Variants in GNB5 observed in about 807,000 individuals in gnomAD.
The protein encoded by GNB5 is guanine nucleotide-binding protein subunit beta-5.
GNB5 carries 37 observed loss-of-function variants against 55.3 expected under a neutral mutation model. The ratio of observed to expected loss-of-function variants is 0.67; its 90% CI spans 0.51 to 0.88. The LOEUF is 0.88. GNB5 is among the 40% of genes least tolerant of loss of function. The pLI is 0.00. For missense variants in GNB5, 476 were observed against 515.3 expected (o/e 0.92, Z 0.74); for synonymous variants, 219 against 198.5 (o/e 1.10, Z -0.87).
In GNB5 at chr15:52,122,202, G is replaced by T. The variant is rs1031996779; in HGVS notation, c.*555C>A. 6.6e-6 allele frequency: 1 copy of T among 152,294 alleles called. No homozygotes were observed. Among genetic ancestry groups the T allele is most frequent in the African/African-American group, 2.4e-5 (1 of 41,522 alleles). 9.4% of individuals were successfully genotyped at this position (152,294 alleles called of 1,614,324 possible). On this transcript the variant is annotated 3_prime_UTR_variant, in exon 13 of 13. Transcript: ENST00000261837. Reference sequence around the variant, plus strand: ...GTATCTGAAAAAAGACAATAGAACAGGAAGCTGAAAAAGATACTTTTACAA... The same window carrying T: ...GTATCTGAAAAAAGACAATAGAACATGAAGCTGAAAAAGATACTTTTACAA...
At chr15:52,134,885 T>G (rs1411972384) in intron 8 of GNB5, among the ~76,000 whole-genome samples, 2 of 151,958 alleles carry the variant, frequency 1.3e-5, no homozygotes, top group Admixed American at 1.3e-4. Flanking sequence ...CCCCTCCCAT[T>G]TGCATACACA....
chr15:52,145,208 T>TA (rs2033945185), intron 6 of GNB5, among the ~76,000 whole-genome samples: 1 of 151,884 alleles, frequency 6.6e-6, no homozygotes, highest in African/African-American at 2.4e-5. Context: ...GTAGTACAAA[T>TA]ATATATATAT....
At chr15:52,141,087 C>A in intron 7 of GNB5, 53 bp downstream of exon 7, 4 of 1,567,796 alleles carry the variant, frequency 2.6e-6, no homozygotes, top group Non-Finnish European at 3.5e-6. Context: ...CCTCTCAGCT[C>A]CTCTTTAGTG....
intron 3 of GNB5, among the ~76,000 whole-genome samples, chr15:52,156,631 C>T (rs999706955): frequency 6.6e-6 from 1 of 152,004 alleles, no homozygotes; most frequent in Non-Finnish European, 1.5e-5. Flanking sequence ...CTTGGGAGGC[C>T]GAGGTGGGAG....
chr15:52,160,761 G>C (rs1010928402), intron 3 of GNB5, among the ~76,000 whole-genome samples: 33 of 152,068 alleles, frequency 2.2e-4, no homozygotes, highest in Non-Finnish European at 7.4e-5. Context: ...CATAAAATTT[G>C]GGGGACTACA....
chr15:52,191,025 C>G (rs977025298), intron 1 of GNB5, among the ~76,000 whole-genome samples: 28 of 152,236 alleles, frequency 1.8e-4, no homozygotes, highest in African/African-American at 6.7e-4. Context: ...TCACCTGGAT[C>G]AAATTTTAAA....
At chr15:52,164,580 A>G (rs1473410305) in intron 3 of GNB5, among the ~76,000 whole-genome samples, 1 of 152,134 alleles carries the variant, frequency 6.6e-6, no homozygotes, top group Non-Finnish European at 1.5e-5. Flanking sequence ...GTGAGCCGAG[A>G]GCACGACACT....
At chr15:52,177,372 G>A (rs1331498560) in intron 3 of GNB5, among the ~76,000 whole-genome samples, 1 of 151,336 alleles carries the variant, frequency 6.6e-6, no homozygotes, top group Non-Finnish European at 1.5e-5. Context: ...ATAAAGAAAA[G>A]AATGGCTGAG....
At chr15:52,136,484 G>A (rs2033726877) in intron 7 of GNB5, among the ~76,000 whole-genome samples, 1 of 152,150 alleles carries the variant, frequency 6.6e-6, no homozygotes, top group Non-Finnish European at 1.5e-5. Flanking sequence ...AATAGAGTCT[G>A]GGGTGGGGCC....
intron 7 of GNB5, chr15:52,139,937 A>T (rs750644942): frequency 6.1e-5 from 78 of 1,285,786 alleles, no homozygotes; most frequent in Non-Finnish European, 7.9e-5. Flanking sequence ...GCCTTCATCC[A>T]GCCTAAATGT....
intron 10 of GNB5, among the ~76,000 whole-genome samples, chr15:52,127,782 G>A (rs528607857): frequency 3.3e-5 from 5 of 150,584 alleles, no homozygotes; most frequent in Non-Finnish European, 7.4e-5. Flanking sequence ...ATGATGAGAG[G>A]TACAAAAACA....
At chr15:52,166,482 G>C (rs996229280) in intron 3 of GNB5, among the ~76,000 whole-genome samples, 1 of 152,022 alleles carries the variant, frequency 6.6e-6, no homozygotes, top group East Asian at 1.9e-4. Flanking sequence ...AATCATAACA[G>C]TCTCTCAGAC....
At chr15:52,149,821 G>C (rs1239418483) in intron 5 of GNB5, 63 bp downstream of exon 5, 5 of 1,229,452 alleles carry the variant, frequency 4.1e-6, no homozygotes, top group East Asian at 2.3e-5. Context: ...AGCTGGACCA[G>C]AGCACCTTTA....
At chr15:52,175,348 C>T (rs1205659548) in intron 3 of GNB5, among the ~76,000 whole-genome samples, 2 of 152,196 alleles carry the variant, frequency 1.3e-5, no homozygotes, top group East Asian at 1.9e-4. Context: ...AGGAAACCAT[C>T]CTTGGATTCC....
At chr15:52,174,278 T>C (rs867806951) in intron 3 of GNB5, among the ~76,000 whole-genome samples, 3 of 152,224 alleles carry the variant, frequency 2.0e-5, no homozygotes, top group Non-Finnish European at 4.4e-5. Context: ...CAAATGTATG[T>C]TATTGCAAGC....
intron 9 of GNB5, chr15:52,128,882 G>T (rs573379395): frequency 2.6e-6 from 1 of 390,728 alleles, no homozygotes; most frequent in East Asian, 7.3e-5. Flanking sequence ...GAGGCAGAAT[G>T]AGAGCAAATG....
intron 4 of GNB5, among the ~76,000 whole-genome samples, chr15:52,153,542 C>G (rs1596081354): frequency 6.6e-6 from 1 of 152,136 alleles, no homozygotes; most frequent in Admixed American, 6.5e-5. Context: ...TTGTATTTTA[C>G]AAGATCTGTA....
chr15:52,161,392 G>A (rs1043100851), intron 3 of GNB5, among the ~76,000 whole-genome samples: 5 of 152,294 alleles, frequency 3.3e-5, no homozygotes, highest in African/African-American at 9.6e-5. Flanking sequence ...CCACCTTCCA[G>A]GTTCAAGCAA....
At chr15:52,164,397 T>C (rs895903323) in intron 3 of GNB5, among the ~76,000 whole-genome samples, 1 of 147,988 alleles carries the variant, frequency 6.8e-6, no homozygotes, top group Non-Finnish European at 1.5e-5. Flanking sequence ...GGCGGGCGGA[T>C]CACGAAGTCA....
Sources: allele counts gnomAD v4.1 joint callset (sites outside exome capture counted in the v4.1 genomes callset), GRCh38; gene constraint gnomAD v4.1.1; transcripts MANE v1.5; gene names NCBI Gene and HGNC (gene_info 2026-07-23, HGNC 2026-07-21).